CLVS1: variants seen among roughly 807,000 people sequenced by gnomAD.
CLVS1 encodes the protein clavesin-1.
A neutral mutation model predicts 33.1 loss-of-function variants in CLVS1; 10 were observed. The observed-to-expected ratio is 0.30, with a 90% CI of 0.19 to 0.51. The LOEUF (loss-of-function observed/expected upper bound fraction) is 0.51, where lower values mean the gene tolerates loss of function less well. CLVS1 is among the 20% of genes least tolerant of loss of function. The probability of loss-of-function intolerance (pLI) is 0.97; values close to 1 mark genes in which losing one functional copy is unlikely to be tolerated. For synonymous variants in CLVS1, 163 were observed against 166.1 expected, an observed-to-expected ratio of 0.98 and a Z score of 0.14; for missense variants, 343 against 433.4, an observed-to-expected ratio of 0.79 and a Z score of 1.85.
chr8:60,967,113 G>A, the CLVS1 span, among the ~76,000 whole-genome samples: 1 of 152,104 alleles, frequency 6.6e-6, no homozygotes, highest in African/African-American at 2.4e-5. Flanking sequence ...ATGCATAAAT[G>A]CATATGAAAT....
At chr8:61,156,019 G>T (rs1326120498) in intron 2 of CLVS1, among the ~76,000 whole-genome samples, 1 of 152,124 alleles carries the variant, frequency 6.6e-6, no homozygotes, top group African/African-American at 2.4e-5. Flanking sequence ...TTTGAGACCA[G>T]CCTGGCCAAA....
At chr8:60,972,334 G>A in the CLVS1 span, among the ~76,000 whole-genome samples, 1 of 152,074 alleles carries the variant, frequency 6.6e-6, no homozygotes, top group Non-Finnish European at 1.5e-5. Flanking sequence ...TCCTGGGCAT[G>A]GGCCAAACTA....
chr8:61,475,670 G>A (rs1817897852), intron 5 of CLVS1, among the ~76,000 whole-genome samples: 1 of 151,974 alleles, frequency 6.6e-6, no homozygotes, highest in African/African-American at 2.4e-5. Flanking sequence ...AAATTTGTTT[G>A]AGTTCATTGT....
chr8:61,072,515 G>A (rs561589457), intron 1 of CLVS1, among the ~76,000 whole-genome samples: 1 of 152,146 alleles, frequency 6.6e-6, no homozygotes. Context: ...TTCCAAGCAT[G>A]CATCCAAAAC....
intron 3 of CLVS1, among the ~76,000 whole-genome samples, chr8:61,450,977 T>G (rs1485096905): frequency 6.6e-6 from 1 of 152,182 alleles, no homozygotes; most frequent in Non-Finnish European, 1.5e-5. Flanking sequence ...TTAGGTATGA[T>G]TCTTCCATGT....
chr8:61,122,993 G>C (rs962938328), intron 1 of CLVS1, among the ~76,000 whole-genome samples: 1 of 144,354 alleles, frequency 6.9e-6, no homozygotes, highest in Non-Finnish European at 1.5e-5. Flanking sequence ...ATAGTGGCCA[G>C]GCACGGTGGC....
chr8:61,350,287 T>C (rs929172436), intron 2 of CLVS1, among the ~76,000 whole-genome samples: 7 of 152,168 alleles, frequency 4.6e-5, no homozygotes, highest in South Asian at 2.1e-4. Context: ...GAATCAAGTA[T>C]CCCATTTGGG....
chr8:61,298,037 T>C (rs550230769), intron 1 of CLVS1, among the ~76,000 whole-genome samples: 1 of 152,282 alleles, frequency 6.6e-6, no homozygotes, highest in East Asian at 1.9e-4. Flanking sequence ...TTGTAGTGCA[T>C]AAGTTTGGAT....
chr8:61,311,562 A>T (rs1345089792), intron 2 of CLVS1, among the ~76,000 whole-genome samples: 1 of 152,174 alleles, frequency 6.6e-6, no homozygotes, highest in African/African-American at 2.4e-5. Context: ...GCCCACCAGG[A>T]AGATGTCAGC....
the CLVS1 span, among the ~76,000 whole-genome samples, chr8:61,051,005 C>A: frequency 1.3e-5 from 2 of 152,218 alleles, no homozygotes; most frequent in Non-Finnish European, 2.9e-5. Context: ...TGAGGAGTGA[C>A]CTCCTCTGAT....
chr8:61,051,907 A>G, the CLVS1 span, among the ~76,000 whole-genome samples: 1 of 152,126 alleles, frequency 6.6e-6, no homozygotes, highest in Middle Eastern at 3.4e-3. Context: ...GTGATATCCC[A>G]CCCACATTTT....
intron 1 of CLVS1, among the ~76,000 whole-genome samples, chr8:61,076,427 A>G (rs1804911705): frequency 6.6e-6 from 1 of 152,198 alleles, no homozygotes; most frequent in African/African-American, 2.4e-5. Flanking sequence ...CGTGTTAGCA[A>G]ATGTACTGAG....
chr8:61,017,200 GA>G, the CLVS1 span, among the ~76,000 whole-genome samples: 2 of 152,196 alleles, frequency 1.3e-5, no homozygotes, highest in South Asian at 4.1e-4. Context: ...TTTGGGCTCA[GA>G]AAAGCCCCAA....
chr8:61,397,880 A>G (rs1186619688), intron 3 of CLVS1, among the ~76,000 whole-genome samples: 1 of 152,216 alleles, frequency 6.6e-6, no homozygotes, highest in Non-Finnish European at 1.5e-5. Flanking sequence ...GTGTGTTAAT[A>G]CAACACTGTC....
At chr8:61,354,668 T>C (rs1452158257) in intron 2 of CLVS1, among the ~76,000 whole-genome samples, 2 of 152,196 alleles carry the variant, frequency 1.3e-5, no homozygotes, top group Non-Finnish European at 2.9e-5. Flanking sequence ...GAACTATTTA[T>C]ATATGTAACA....
upstream of CLVS1, among the ~76,000 whole-genome samples, chr8:61,284,076 T>C (rs532756681): frequency 4.6e-4 from 70 of 152,292 alleles, no homozygotes; most frequent in South Asian, 1.9e-3. Flanking sequence ...GCAACATAGA[T>C]AAACCTGAAG....
At chr8:60,968,894 A>C in the CLVS1 span, among the ~76,000 whole-genome samples, 1 of 152,038 alleles carries the variant, frequency 6.6e-6, no homozygotes, top group African/African-American at 2.4e-5. Flanking sequence ...GTTTCAAAAA[A>C]AATAAATAAA....
At chr8:61,271,305 T>C (rs1809432771) in intron 2 of CLVS1, among the ~76,000 whole-genome samples, 1 of 151,478 alleles carries the variant, frequency 6.6e-6, no homozygotes, top group South Asian at 2.1e-4. Context: ...GTTGTTCAGT[T>C]TCCATGGAGT....
chr8:61,205,052 G>T (rs1245504567), intron 2 of CLVS1, among the ~76,000 whole-genome samples: 1 of 152,166 alleles, frequency 6.6e-6, no homozygotes, highest in East Asian at 1.9e-4. Context: ...CAGGTTTCAA[G>T]AATTCATACA....
Sources: allele counts gnomAD v4.1 joint callset (sites outside exome capture counted in the v4.1 genomes callset), GRCh38; gene constraint gnomAD v4.1.1; transcripts MANE v1.5; gene names NCBI Gene and HGNC (gene_info 2026-07-23, HGNC 2026-07-21).